The following C11orf97 variants were observed in gnomAD, a reference collection of about 807,000 sequenced individuals.
The protein encoded by C11orf97 is uncharacterized protein C11orf97.
In C11orf97, 15 loss-of-function variants were observed where a neutral mutation model predicts 16.2. That is an observed-to-expected ratio of 0.93 (90% CI 0.62 to 1.43). C11orf97 has a LOEUF of 1.43. Ranked by LOEUF, C11orf97 falls within the 40% of genes most tolerant of loss-of-function variation. The pLI is 0.00. For synonymous variants in C11orf97, 61 were observed against 65.7 expected, an observed-to-expected ratio of 0.93 and a Z score of 0.34; for missense variants, 171 against 161.2, an observed-to-expected ratio of 1.06 and a Z score of -0.33.
intron 2 of C11orf97, among the ~76,000 whole-genome samples, chr11:94,521,315 A>G (rs1591747784): frequency 1.3e-5 from 2 of 152,354 alleles, no homozygotes; most frequent in East Asian, 3.9e-4. Context: ...GATACATGTC[A>G]GTAGGAACCC....
chr11:94,528,107 A>C lies in C11orf97; in HGVS notation c.274A>C (p.Ile92Leu). The change falls in exon 3 of 4, where the codon ATT becomes CTT. Residue 92 changes from isoleucine (I) to leucine (L), a missense_variant. Physicochemically the swap from Ile to Leu is conservative, Grantham distance 5 (BLOSUM62 2). Coordinates refer to ENST00000542198, the MANE Select transcript of C11orf97 (RefSeq NM_001190462.2). ...AAVALEGIWSIKRNLPVGGLK... is the reference protein window; with the variant it reads ...AAVALEGIWSLKRNLPVGGLK... ...AGTGGCCCTGGAAGGGATTTGGAGC[A>C]TTAAAAGGAATCTGCCTGTGGGAGG... 2 of 1,535,208 alleles carry C rather than the reference A, an allele frequency of 1.3e-6. No homozygotes were observed. Among genetic ancestry groups the C allele is most frequent in the Non-Finnish European group, 1.7e-6 (2 of 1,146,452 alleles).
chr11:94,517,931 C>G (rs977274109), intron 2 of C11orf97, among the ~76,000 whole-genome samples: 19 of 151,966 alleles, frequency 1.3e-4, no homozygotes, highest in African/African-American at 4.6e-4. Context: ...GGATGGATCA[C>G]GAGGTCAGGA....
chr11:94,531,125 G>A (rs1020628053), intron 3 of C11orf97, among the ~76,000 whole-genome samples: 7 of 152,228 alleles, frequency 4.6e-5, no homozygotes, highest in Non-Finnish European at 8.8e-5. Flanking sequence ...TTCCATTAGA[G>A]ACTGTGAAGC....
intron 2 of C11orf97, among the ~76,000 whole-genome samples, chr11:94,519,963 T>G (rs544926430): frequency 6.6e-6 from 1 of 152,344 alleles, no homozygotes; most frequent in African/African-American, 2.4e-5. Flanking sequence ...ATGACAGCCA[T>G]GGCTTCTTTT....
chr11:94,530,331 A>G (rs1269449822), intron 3 of C11orf97, among the ~76,000 whole-genome samples: 1 of 152,224 alleles, frequency 6.6e-6, no homozygotes, highest in African/African-American at 2.4e-5. Flanking sequence ...TTAGGTTGCC[A>G]GCTGCATTTT....
rs147561727 is a variant in C11orf97 at position 94,512,755 on chromosome 11, T to C, written c.145+82T>C. 35 of 1,219,118 alleles carry C rather than the reference T, an allele frequency of 2.9e-5. No individual in the cohort carries two copies. The Middle Eastern group carries it at 1.2e-3, about 43-fold the overall frequency. 75.5% of individuals were successfully genotyped at this position (1,219,118 alleles called of 1,614,324 possible). On this transcript the variant is annotated intron_variant, in intron 1 of 3. Coordinates refer to ENST00000542198, the MANE Select transcript of C11orf97 (RefSeq NM_001190462.2). ...ACAGGGCAATTGGGGGAAACCGCAG[T>C]GGGACTGGCTGAGAAGGTTTGGGGC...
intron 1 of C11orf97, among the ~76,000 whole-genome samples, chr11:94,513,666 A>G (rs1240885176): frequency 1.3e-5 from 2 of 152,170 alleles, no homozygotes; most frequent in Non-Finnish European, 2.9e-5. Flanking sequence ...TCCTGGTGAA[A>G]GGGGCCTCTT....
intron 1 of C11orf97, 36 bp downstream of exon 1, chr11:94,512,709 G>T (rs1380428984): frequency 8.1e-7 from 1 of 1,234,522 alleles, no homozygotes; most frequent in Admixed American, 4.2e-5. Flanking sequence ...CTACTGGGAG[G>T]AGGGGCGTGG....
Position 94,512,612 on chromosome 11 carries a change from AGGGCTG to A in C11orf97, c.88_93del (p.Leu30_Gly31del), listed in dbSNP as rs763623017. The A allele has an allele frequency of 7.9e-7, 1 of 1,267,632 alleles. No homozygotes were observed. Among genetic ancestry groups the A allele is most frequent in the South Asian group, 2.7e-5 (1 of 37,292 alleles). The allele number at this position is 1,267,632 out of a possible 1,614,324, so 78.5% of individuals were successfully genotyped here. A position where few individuals can be genotyped will look rare whatever the true frequency, so the allele number is the denominator to read the frequency against. On this transcript the variant is annotated inframe_deletion, in exon 1 of 4. Transcript: ENST00000542198. ...AAGAGGAGCAGCCTCCTCCGCCAGC[AGGGCTG>A]GGGTGCGGGGCGCGCGGGGAACCCG...
chr11:94,517,510 T>C, intron 1 of C11orf97, 73 bp from the exon 2 acceptor site: 1 of 803,522 alleles, frequency 1.2e-6, no homozygotes, highest in Non-Finnish European at 1.8e-6. Context: ...AAAATTGTTA[T>C]CATGTAGATA....
chr11:94,512,483 G>A lies in C11orf97; in HGVS notation c.-46G>A, dbSNP rs778433970. The A allele has an allele frequency of 2.4e-6, 3 of 1,268,814 alleles. No homozygotes were observed. Among genetic ancestry groups the A allele is most frequent in the Non-Finnish European group, 3.0e-6 (3 of 1,006,532 alleles). 78.6% of individuals were successfully genotyped at this position (1,268,814 alleles called of 1,614,324 possible). On this transcript the variant is annotated 5_prime_UTR_variant, in exon 1 of 4. Coordinates refer to ENST00000542198, the MANE Select transcript of C11orf97 (RefSeq NM_001190462.2). ...CGCATGCTGGGCTGCCTGCGACTGA[G>A]CTGAGAAGGAAACCGTGCCCAGGGC...
intron 2 of C11orf97, among the ~76,000 whole-genome samples, chr11:94,518,041 C>G (rs1047314955): frequency 6.7e-6 from 1 of 149,804 alleles, no homozygotes; most frequent in African/African-American, 2.5e-5. Context: ...CCCAGCTACT[C>G]GGGAGGCTGA....
At chr11:94,524,003 C>T (rs963902900) in intron 2 of C11orf97, among the ~76,000 whole-genome samples, 5 of 152,026 alleles carry the variant, frequency 3.3e-5, no homozygotes, top group Middle Eastern at 3.2e-3. Context: ...CTTGTAGGCT[C>T]CTGATGTGTT....
At chr11:94,528,026 C>T (rs1947712032) in intron 2 of C11orf97, 58 bp from the exon 3 acceptor site, 1 of 1,434,448 alleles carries the variant, frequency 7.0e-7, no homozygotes, top group Non-Finnish European at 9.2e-7. Context: ...TTTAAAAACT[C>T]TGTGCTAAAA....
At chr11:94,531,755 C>G (rs552393081) in intron 3 of C11orf97, 141 bp from the exon 4 acceptor site, 65 of 591,788 alleles carry the variant, frequency 1.1e-4, no homozygotes, top group Non-Finnish European at 1.7e-4. Context: ...TTTCTGGTTA[C>G]TGGGATGACA....
At chr11:94,527,453 A>G (rs1198472772) in intron 2 of C11orf97, among the ~76,000 whole-genome samples, 1 of 152,218 alleles carries the variant, frequency 6.6e-6, no homozygotes, top group Non-Finnish European at 1.5e-5. Context: ...TAGGATATGG[A>G]GGATAACCAA....
chr11:94,526,230 CCTTT>C (rs1947699432), intron 2 of C11orf97, among the ~76,000 whole-genome samples: 1 of 152,146 alleles, frequency 6.6e-6, no homozygotes, highest in African/African-American at 2.4e-5. Context: ...TTCTAGACCC[CCTTT>C]TATCCAGTCA....
chr11:94,527,228 A>G (rs1947707408), intron 2 of C11orf97, among the ~76,000 whole-genome samples: 1 of 152,198 alleles, frequency 6.6e-6, no homozygotes, highest in Non-Finnish European at 1.5e-5. Context: ...GGAATCCTTT[A>G]GAGAGGGATC....
intron 1 of C11orf97, among the ~76,000 whole-genome samples, chr11:94,516,853 G>A (rs892897540): frequency 2.0e-5 from 3 of 152,194 alleles, no homozygotes; most frequent in Admixed American, 6.5e-5. Flanking sequence ...ATGAACAGAA[G>A]GGCCATGTGT....
Sources: allele counts gnomAD v4.1 joint callset (sites outside exome capture counted in the v4.1 genomes callset), GRCh38; gene constraint gnomAD v4.1.1; transcripts MANE v1.5; gene names NCBI Gene and HGNC (gene_info 2026-07-23, HGNC 2026-07-21).